The following ADAMTS7 variants were observed in gnomAD, a reference collection of about 807,000 sequenced individuals.
The protein encoded by ADAMTS7 is A disintegrin and metalloproteinase with thrombospondin motifs 7.
A neutral mutation model predicts 172.6 loss-of-function variants in ADAMTS7; 89 were observed. That is an observed-to-expected ratio of 0.52 (90% CI 0.43 to 0.61). The LOEUF is 0.61. ADAMTS7 is among the 20% of genes least tolerant of loss of function. ADAMTS7 has a pLI of 0.00. For synonymous variants in ADAMTS7, 885 were observed against 978.4 expected, an observed-to-expected ratio of 0.90 and a Z score of 1.78; for missense variants, 1,973 against 2,355.6, an observed-to-expected ratio of 0.84 and a Z score of 3.36.
chr15:78,810,171 C>G (rs1239561349), intron 1 of ADAMTS7, among the ~76,000 whole-genome samples: 1 of 152,222 alleles, frequency 6.6e-6, no homozygotes, highest in Non-Finnish European at 1.5e-5. Context: ...GGGGAGGGCC[C>G]CACTCCCTCC....
rs944773962 is a variant in ADAMTS7 at position 78,791,187 on chromosome 15, G to A, written c.856C>T (p.Pro286Ser). Residue 286 changes from proline (P) to serine (S), a missense_variant, in exon 5 of 24, where the codon CCC becomes TCC. Coordinates refer to ENST00000388820, the MANE Select transcript of ADAMTS7 (RefSeq NM_014272.5). ...AGGCGCACAATGGTGATGTGGATGG[G>A]GTTCCCAATGCTGGGGTCATGAAAC... is the stretch of plus-strand genomic sequence containing the variant. ...GLFHDPSIGNPIHITIVRLVL... is the reference protein window; with the variant it reads ...GLFHDPSIGNSIHITIVRLVL... 3.7e-6 allele frequency: 6 copies of A among 1,613,442 alleles called. No individual in the cohort carries two copies. Among genetic ancestry groups the A allele is most frequent in the African/African-American group, 1.3e-5 (1 of 74,926 alleles).
chr15:78,764,432 G>T lies in ADAMTS7; in HGVS notation c.4419+123C>A, dbSNP rs552447217. ...AAGAGATTCAGAATCCGGTGTGATC[G>T]GGCACACAGATGTGCAGCCTGGGGC... On this transcript the variant is annotated intron_variant, in intron 20 of 23. Transcript: ENST00000388820. The T allele has an allele frequency of 2.6e-3, 3,370 of 1,272,738 alleles. 6 individuals are homozygous for T. Among genetic ancestry groups the T allele is most frequent in the Non-Finnish European group, 3.4e-3 (3,195 of 951,568 alleles). The allele number at this position is 1,272,738 out of a possible 1,614,324, so 78.8% of individuals were successfully genotyped here. A position where few individuals can be genotyped will look rare whatever the true frequency, so the allele number is the denominator to read the frequency against.
Position 78,771,923 on chromosome 15 carries a change from C to T in ADAMTS7, c.2132-94G>A. On this transcript the variant is annotated intron_variant, in intron 14 of 23. Coordinates refer to ENST00000388820, the MANE Select transcript of ADAMTS7 (RefSeq NM_014272.5). This position sits in a 1 kb window ranked among gnomAD's most constrained non-coding sequence, Gnocchi z 4.9. The stretch of plus-strand genomic sequence containing the variant: ...TCATGTCTCTCCCCACTTGCCTCCG[C>T]CTGCTGATGCCAAAGCTTTAAAGTC... 6.7e-7 allele frequency: 1 copy of T among 1,503,302 alleles called. No homozygotes were observed. Among genetic ancestry groups the T allele is most frequent in the Non-Finnish European group, 8.9e-7 (1 of 1,121,978 alleles). 93.1% of individuals were successfully genotyped at this position (1,503,302 alleles called of 1,614,324 possible). A position where few individuals can be genotyped will look rare whatever the true frequency, so the allele number is the denominator to read the frequency against.
chr15:78,772,971 C>T, intron 14 of ADAMTS7, 112 bp downstream of exon 14: 1 of 1,376,204 alleles, frequency 7.3e-7, no homozygotes, highest in Admixed American at 2.2e-5. Flanking sequence ...CCTGCTTAGC[C>T]ATCTCCAGGC....
chr15:78,783,705 A>T (rs983056174), intron 8 of ADAMTS7, among the ~76,000 whole-genome samples: 3 of 152,238 alleles, frequency 2.0e-5, no homozygotes, highest in African/African-American at 7.2e-5. Context: ...AAGAGAACAT[A>T]CTGTACCCAT....
chr15:78,771,998 G>A lies in ADAMTS7; in HGVS notation c.2132-169C>T, dbSNP rs2055259366. On this transcript the variant is annotated intron_variant, in intron 14 of 23. Transcript: ENST00000388820. The surrounding 1 kb of genome is among the most constrained non-coding windows in gnomAD (Gnocchi z 4.9). ...TGTCATGGGTCACCAAAACCTCGCA[G>A]AGGTGCCACAAATCCTGACCCCGTG... 6.6e-6 allele frequency among the ~76,000 whole-genome samples: 1 copy of A among 152,162 alleles called. No homozygotes were observed. Among genetic ancestry groups the A allele is most frequent in the Non-Finnish European group, 1.5e-5 (1 of 68,038 alleles).
intron 8 of ADAMTS7, among the ~76,000 whole-genome samples, chr15:78,779,590 G>T (rs371739742): frequency 8.8e-4 from 134 of 152,152 alleles, no homozygotes; most frequent in African/African-American, 3.1e-3. Flanking sequence ...TGCGGCTTGG[G>T]GCTCCCTGAG....
At chr15:78,781,962 G>T (rs1215715120) in intron 8 of ADAMTS7, among the ~76,000 whole-genome samples, 2 of 152,096 alleles carry the variant, frequency 1.3e-5, no homozygotes, top group African/African-American at 2.4e-5. Context: ...CCATCATCAT[G>T]TCCATTTTTT....
chr15:78,785,895 C>T (rs1401394788), intron 8 of ADAMTS7, among the ~76,000 whole-genome samples: 1 of 150,942 alleles, frequency 6.6e-6, no homozygotes, highest in East Asian at 1.9e-4. Flanking sequence ...AGAAGTGGGG[C>T]AGGTGTACAA....
In ADAMTS7 at chr15:78,766,545, C is replaced by CT. The variant is rs2055154132; in HGVS notation, c.3365dup (p.Val1124GlyfsTer12). ...TCGGGGACCAAGGTCCCAGTACCCC[C>CT]TCCTCCTTGGCTGCAGGAGGCTCTG... On this transcript the variant is annotated frameshift_variant, in exon 19 of 24. Coordinates refer to ENST00000388820, the MANE Select transcript of ADAMTS7 (RefSeq NM_014272.5). LOFTEE classifies it high-confidence loss of function. 6.3e-7 allele frequency: 1 copy of CT among 1,578,364 alleles called. No individual in the cohort carries two copies. Among genetic ancestry groups the CT allele is most frequent in the Non-Finnish European group, 8.6e-7 (1 of 1,158,622 alleles).
chr15:78,797,233 G>T (rs1294223992), intron 3 of ADAMTS7, among the ~76,000 whole-genome samples: 1 of 152,200 alleles, frequency 6.6e-6, no homozygotes, highest in Non-Finnish European at 1.5e-5. Context: ...CCAAGACCCA[G>T]CCCAGCTTGC....
intron 8 of ADAMTS7, among the ~76,000 whole-genome samples, chr15:78,781,865 G>A (rs1011956832): frequency 4.6e-5 from 7 of 152,318 alleles, no homozygotes; most frequent in African/African-American, 1.2e-4. Context: ...ATGAGTGTGC[G>A]TGAAATGCTT....
rs1197095221 is a variant in ADAMTS7, at chr15:78,811,313, T to C, written c.-93A>G. 1.5e-5 allele frequency: 18 copies of C among 1,200,982 alleles called. No homozygotes were observed. The highest frequency in any genetic ancestry group is 1.9e-5 in the Non-Finnish European group (18 of 967,420). The allele number at this position is 1,200,982 out of a possible 1,614,324, so 74.4% of individuals were successfully genotyped here. ...CTGGTCCCAGGTCCGGCTCAGGACA[T>C]GCCCGGCCGGCGTGCAGCTCCCGGC... On this transcript the variant is annotated 5_prime_UTR_variant, in exon 1 of 24. The change abolishes an upstream ATG in the 5' untranslated region. Transcript: ENST00000388820.
chr15:78,761,981 C>G, intron 23 of ADAMTS7: 1 of 985,458 alleles, frequency 1.0e-6, no homozygotes, highest in Non-Finnish European at 1.2e-6. Flanking sequence ...AGGCAGTCCT[C>G]TAGCCAGGGA....
At position 78,774,737 on chromosome 15, in the gene ADAMTS7, T is replaced by C. The variant is rs2055312318; in HGVS notation, c.1763A>G (p.Asn588Ser). ...VGERKRFRLC[N>S]LQACPAGRPS... ...GCGGCCAGCAGGGCAGGCCTGCAGG[T>C]TGCAGAGGCGGAAGCGCTTGCGCTC... The change falls in exon 12 of 24, where the codon AAC becomes AGC. Residue 588 changes from asparagine to serine, a missense_variant. Physicochemically the swap from Asn to Ser is conservative, Grantham distance 46. This residue lies in a region of ADAMTS7 where 526 missense variants were observed against 662.9 expected (regional missense o/e 0.79). Transcript: ENST00000388820. The C allele has an allele frequency of 2.5e-6, 4 of 1,611,534 alleles. No homozygotes were observed. The highest frequency in any genetic ancestry group is 3.4e-6 in the Non-Finnish European group (4 of 1,179,748).
chr15:78,774,065 T>G, intron 13 of ADAMTS7, 102 bp downstream of exon 13: 1 of 1,519,484 alleles, frequency 6.6e-7, no homozygotes, highest in East Asian at 2.4e-5. Flanking sequence ...GGGCCCGCCA[T>G]GGCCCGAGGA....
intron 8 of ADAMTS7, 64 bp from the exon 9 acceptor site, chr15:78,777,652 T>A: frequency 6.4e-7 from 1 of 1,555,784 alleles, no homozygotes. Flanking sequence ...GAAGCCTTGG[T>A]GGGGCCGGGA....
At position 78,798,109 on chromosome 15, in the gene ADAMTS7, C is replaced by A. The variant is rs1381292012; in HGVS notation, c.461G>T (p.Gly154Val). Reference protein sequence around the residue: ...AAISACDGLKGVFQLSNEDYF... With the variant: ...AAISACDGLKVVFQLSNEDYF... ...GTCCTCGTTGGAGAGCTGGAACACA[C>A]CTTTCTGGGGAAGAAGCACCAGGGT... is the stretch of plus-strand genomic sequence containing the variant. The change falls in exon 3 of 24, where the codon GGT (glycine) becomes GTT (valine). Residue 154 changes from glycine to valine, a missense_variant. Coordinates refer to ENST00000388820, the MANE Select transcript of ADAMTS7 (RefSeq NM_014272.5). The A allele has an allele frequency of 1.3e-6, 2 of 1,550,378 alleles. No homozygotes were observed. Among genetic ancestry groups the A allele is most frequent in the Non-Finnish European group, 1.7e-6 (2 of 1,156,832 alleles).
rs1472670793 is a variant in ADAMTS7, at chr15:78,789,849, AAAG to A, written c.1029-14_1029-12del. 3.6e-5 allele frequency: 57 copies of A among 1,574,620 alleles called. No individual in the cohort carries two copies. The highest frequency in any genetic ancestry group is 4.8e-5 in the Non-Finnish European group (56 of 1,160,008). ...GCACACAGGTCCTTTCTGCACAGGC[AAAG>A]AAGCAGCCTTCAGGCTAACCTGGCC... On this transcript the variant is annotated splice_polypyrimidine_tract_variant and intron_variant, in intron 6 of 23. Coordinates refer to ENST00000388820, the MANE Select transcript of ADAMTS7 (RefSeq NM_014272.5).
Sources: allele counts gnomAD v4.1 joint callset (sites outside exome capture counted in the v4.1 genomes callset), GRCh38; gene constraint gnomAD v4.1.1; regional missense constraint gnomAD v4.1.1; non-coding constraint Gnocchi (gnomAD v3.1); transcripts MANE v1.5; gene names NCBI Gene and HGNC (gene_info 2026-07-23, HGNC 2026-07-21).